The following PCNX1 variants were observed in gnomAD, a reference collection of about 807,000 sequenced individuals.
PCNX1 encodes the protein pecanex 1, also known as pecanex-like protein 1.
PCNX1 carries 78 observed loss-of-function variants against 242.2 expected under a neutral mutation model. That is an observed-to-expected ratio of 0.32 (90% CI 0.27 to 0.39). The LOEUF (loss-of-function observed/expected upper bound fraction) is 0.39, where lower values mean the gene tolerates loss of function less well. PCNX1 is among the 10% of genes least tolerant of loss of function. The pLI, the probability that PCNX1 is intolerant of heterozygous loss-of-function variation, is 1.00. For missense variants in PCNX1, 2,581 were observed against 2,856.5 expected, an observed-to-expected ratio of 0.90 and a Z score of 2.20; for synonymous variants, 1,024 against 1,032.9, an observed-to-expected ratio of 0.99 and a Z score of 0.17.
intron 11 of PCNX1, among the ~76,000 whole-genome samples, chr14:71,014,876 G>C (rs903049717): frequency 6.6e-6 from 1 of 152,112 alleles, no homozygotes; most frequent in African/African-American, 2.4e-5. Context: ...AGGAAGCCCA[G>C]TGAACCTCAA....
chr14:71,054,980 C>T (rs1412971868), intron 24 of PCNX1, among the ~76,000 whole-genome samples: 1 of 152,156 alleles, frequency 6.6e-6, no homozygotes, highest in African/African-American at 2.4e-5. Context: ...TTTAGTACCA[C>T]CAGTGCAGTT....
At chr14:70,996,936 T>C (rs1301237524) in intron 8 of PCNX1, among the ~76,000 whole-genome samples, 1 of 152,160 alleles carries the variant, frequency 6.6e-6, no homozygotes, top group Non-Finnish European at 1.5e-5. Context: ...TAAGTACGTA[T>C]GCATATCGAT....
intron 14 of PCNX1, among the ~76,000 whole-genome samples, 180 bp downstream of exon 14, chr14:71,026,468 ATAT>A (rs1336836129): frequency 2.6e-5 from 4 of 152,316 alleles, no homozygotes; most frequent in South Asian, 2.1e-4. Context: ...TGATGAACAA[ATAT>A]TATAGTAATT....
At chr14:70,998,958 A>G (rs2059429881) in intron 8 of PCNX1, among the ~76,000 whole-genome samples, 1 of 152,010 alleles carries the variant, frequency 6.6e-6, no homozygotes, top group African/African-American at 2.4e-5. Flanking sequence ...TATTTTAAAG[A>G]CCACATATTA....
chr14:70,966,105 CA>C (rs1339581826), intron 3 of PCNX1, among the ~76,000 whole-genome samples: 1 of 152,086 alleles, frequency 6.6e-6, no homozygotes, highest in Non-Finnish European at 1.5e-5. Flanking sequence ...GAATGCATTG[CA>C]TTTGGATATA....
intron 21 of PCNX1, 85 bp from the exon 22 acceptor site, chr14:71,047,722 A>G: frequency 8.9e-7 from 1 of 1,128,714 alleles, no homozygotes; most frequent in Non-Finnish European, 1.3e-6. Context: ...AAGCTTAGTA[A>G]AGTAAATGGT....
intron 8 of PCNX1, among the ~76,000 whole-genome samples, chr14:71,005,175 A>G (rs1237584837): frequency 2.0e-5 from 3 of 152,196 alleles, no homozygotes; most frequent in Non-Finnish European, 4.4e-5. Context: ...CTTCCAAGAT[A>G]CATATAGGTA....
At position 70,991,989 on chromosome 14, in the gene PCNX1, A is replaced by T. The variant is rs576334516; in HGVS notation, c.2444+3290A>T. On this transcript the variant is annotated intron_variant, in intron 7 of 35. Transcript: ENST00000304743. ...CCCCAAGGATTGGGAGTGAATTATC[A>T]ATTTTCTTACAAAGAGAATTTGCAT... Among the ~76,000 whole-genome samples, 137 of 152,254 alleles carry T rather than the reference A, an allele frequency of 9.0e-4. 1 individual carries two copies. Among genetic ancestry groups the T allele is most frequent in the African/African-American group, 3.0e-3 (123 of 41,558 alleles).
intron 27 of PCNX1, among the ~76,000 whole-genome samples, chr14:71,075,073 C>T (rs1261209772): frequency 6.8e-6 from 1 of 147,704 alleles, no homozygotes; most frequent in Non-Finnish European, 1.5e-5. Context: ...TAGCTCACTG[C>T]AGCCTTGACC....
At position 70,978,242 on chromosome 14, in the gene PCNX1, T is replaced by C. The variant is rs540888762; in HGVS notation, c.1905T>C (p.Ser635=). 1.2e-5 allele frequency: 19 copies of C among 1,614,088 alleles called. No homozygotes were observed. In the East Asian group the frequency reaches 2.9e-4, roughly 25 times the overall value. The change falls in exon 6 of 36, where the codon TCT becomes TCC. Residue 635 remains serine, a synonymous_variant. Transcript: ENST00000304743. ...SSSTTSHSCQ[S]PEGRYSALKT... is the part of the protein sequence containing the mutation. ...GCACCACTTCTCATTCCTGTCAGTCTCCTGAGGGCAGATACAGTGCTCTAA... is the reference window on the plus strand; with the variant it reads ...GCACCACTTCTCATTCCTGTCAGTCCCCTGAGGGCAGATACAGTGCTCTAA...
intron 1 of PCNX1, among the ~76,000 whole-genome samples, chr14:70,931,261 C>A (rs777777456): frequency 3.3e-5 from 5 of 152,146 alleles, no homozygotes; most frequent in African/African-American, 4.8e-5. Context: ...CAACTCCCCA[C>A]CCCTTCAGGC....
chr14:70,959,017 CAA>C (rs34761560), intron 2 of PCNX1, among the ~76,000 whole-genome samples: 26 of 78,138 alleles, frequency 3.3e-4, no homozygotes, highest in East Asian at 2.2e-3. Flanking sequence ...CAGATAATAG[CAA>C]AAAAAAAAAA....
chr14:71,083,053 C>CA (rs2061895008), intron 28 of PCNX1, among the ~76,000 whole-genome samples: 1 of 151,938 alleles, frequency 6.6e-6, no homozygotes, highest in East Asian at 1.9e-4. Flanking sequence ...ATGGTGGTGA[C>CA]AAAAATCTCT....
chr14:70,947,190 T>G, intron 2 of PCNX1, 67 bp downstream of exon 2: 1 of 1,176,252 alleles, frequency 8.5e-7, no homozygotes, highest in Non-Finnish European at 1.2e-6. Context: ...AATGATGTGA[T>G]TATTATATTG....
At chr14:70,946,161 T>C (rs2057448807) in intron 1 of PCNX1, among the ~76,000 whole-genome samples, 1 of 152,270 alleles carries the variant, frequency 6.6e-6, no homozygotes, top group African/African-American at 2.4e-5. Context: ...TGTTCTTTTA[T>C]TCTTTTTGTT....
chr14:70,977,829 G>A lies in PCNX1; in HGVS notation c.1492G>A (p.Glu498Lys), dbSNP rs375195787. Reference sequence around the variant, plus strand: ...AGCCAATAAAAATCCCCATGCAAATGAATTTACTTCCCAAGGGGACAGACC... The same window carrying A: ...AGCCAATAAAAATCCCCATGCAAATAAATTTACTTCCCAAGGGGACAGACC... ...EEANKNPHAN[E>K]FTSQGDRPPG... Residue 498 changes from glutamate to lysine, a missense_variant, in exon 6 of 36, where the codon GAA (glutamate) becomes AAA (lysine). Transcript: ENST00000304743. 2 of 1,614,004 alleles carry A rather than the reference G, an allele frequency of 1.2e-6. No individual in the cohort carries two copies. Among genetic ancestry groups the A allele is most frequent in the African/African-American group, 2.7e-5 (2 of 74,910 alleles).
Position 70,971,115 on chromosome 14 carries a change from G to GTTTTTTTTT in PCNX1, c.604+2037_604+2045dup, listed in dbSNP as rs1046870052. On this transcript the variant is annotated intron_variant, in intron 5 of 35. Transcript: ENST00000304743. Reference sequence around the variant, plus strand: ...AATCTATGCTATACTACTTTATATAGTTTTTTTTTTTTTTTTTTTTTTTTT... The same window carrying GTTTTTTTTT: ...AATCTATGCTATACTACTTTATATAGTTTTTTTTTTTTTTTTTTTTTTTTTTTTTTTTTT... Among the ~76,000 whole-genome samples, 10 of 14,518 alleles carry GTTTTTTTTT rather than the reference G, an allele frequency of 6.9e-4. 5 individuals are homozygous for GTTTTTTTTT. The highest frequency in any genetic ancestry group is 9.7e-4 in the Non-Finnish European group (8 of 8,256). 9.5% of individuals were successfully genotyped at this position (14,518 alleles called of 152,430 possible).
Position 71,073,649 on chromosome 14 carries a change from T to C in PCNX1, c.4957T>C (p.Phe1653Leu), listed in dbSNP as rs1328540128. The stretch of plus-strand genomic sequence containing the variant: ...TGGCCATATTCCTCACATGCTTTCA[T>C]TTAATGCTGCATTTAGCCAGCGATG... ...EPGHIPHMLSFNAAFSQRWLA... is the reference protein window; with the variant it reads ...EPGHIPHMLSLNAAFSQRWLA... The change falls in exon 27 of 36, where the codon TTT (phenylalanine) becomes CTT (leucine). Residue 1653 changes from phenylalanine to leucine, a missense_variant. Coordinates refer to ENST00000304743, the MANE Select transcript of PCNX1 (RefSeq NM_014982.3). 8 of 1,614,104 alleles carry C rather than the reference T, an allele frequency of 5.0e-6. No homozygotes were observed. The highest frequency in any genetic ancestry group is 5.1e-6 in the Non-Finnish European group (6 of 1,179,980).
intron 2 of PCNX1, among the ~76,000 whole-genome samples, chr14:70,954,866 C>A (rs1413113597): frequency 6.6e-6 from 1 of 152,036 alleles, no homozygotes; most frequent in African/African-American, 2.4e-5. Flanking sequence ...TAAGTAAGAT[C>A]TTTGTTGTAG....
Sources: gnomAD v4.1 joint callset for allele counts (sites outside exome capture counted in the v4.1 genomes callset) on GRCh38, gnomAD v4.1.1 for gene constraint, MANE v1.5 for transcripts, NCBI Gene and HGNC (gene_info 2026-07-23, HGNC 2026-07-21) for gene names.